Variants in SMG1 observed in about 807,000 individuals in gnomAD.
The protein encoded by SMG1 is serine/threonine-protein kinase SMG1.
In SMG1, 22 loss-of-function variants were observed where a neutral mutation model predicts 419.9. That is an observed-to-expected ratio of 0.05 (90% CI 0.04 to 0.07). SMG1 has a LOEUF of 0.07. Among genes scored for constraint, SMG1 ranks in the 10% least tolerant of loss-of-function variants. SMG1 has a pLI of 1.00. For missense variants in SMG1, 3,185 were observed against 4,342.0 expected, an observed-to-expected ratio of 0.73 and a Z score of 7.49; for synonymous variants, 1,538 against 1,553.5, an observed-to-expected ratio of 0.99 and a Z score of 0.23.
rs757102924 is a variant in SMG1 at position 18,872,180 on chromosome 16, T to C, written c.2183+4A>G. 7 of 1,434,052 alleles carry C rather than the reference T, an allele frequency of 4.9e-6. No homozygotes were observed. The African/African-American group carries it at 1.0e-4, about 20-fold the overall frequency. The allele number at this position is 1,434,052 out of a possible 1,614,324, so 88.8% of individuals were successfully genotyped here. On this transcript the variant is annotated splice_donor_region_variant and intron_variant, in intron 15 of 62. Transcript: ENST00000446231. ...AATAGTTAATACTATATAATATCTGTTACCTCGTGTCCTGGTTAAGGTTAT... is the reference window on the plus strand; with the variant it reads ...AATAGTTAATACTATATAATATCTGCTACCTCGTGTCCTGGTTAAGGTTAT...
intron 39 of SMG1, among the ~76,000 whole-genome samples, chr16:18,844,008 T>TAC (rs71141072): frequency 0.33 from 49,466 of 150,734 alleles, 8,360 homozygotes; most frequent in Non-Finnish European, 0.38. Context: ...TCTATGATTA[T>TAC]ACACACACAC....
At position 18,845,639 on chromosome 16, in the gene SMG1, A is replaced by C. The variant is rs759685770; in HGVS notation, c.6009T>G (p.Ile2003Met). The C allele has an allele frequency of 6.2e-7, 1 of 1,609,764 alleles. No individual in the cohort carries two copies. The highest frequency in any genetic ancestry group is 2.2e-5 in the East Asian group (1 of 44,826). Residue 2003 changes from isoleucine (I) to methionine (M), a missense_variant, in exon 39 of 63, where the codon ATT becomes ATG. Physicochemically the swap from Ile to Met is conservative, Grantham distance 10 (BLOSUM62 1). Transcript: ENST00000446231. ...CTGTGTGCTTCTCCCTCATGATTGC[A>C]ATTTTCTCTTCTCTGACCAAGAAGA... ...NNNTLRKEEK[I>M]AIMREKHTAL...
intron 38 of SMG1, among the ~76,000 whole-genome samples, chr16:18,846,302 G>C (rs1750017918): frequency 6.6e-6 from 1 of 152,122 alleles, no homozygotes; most frequent in Admixed American, 6.5e-5. Context: ...TAAGGGAAAG[G>C]TTTCATGACC....
chr16:18,897,182 A>G (rs1445560691), intron 1 of SMG1, among the ~76,000 whole-genome samples: 3 of 152,228 alleles, frequency 2.0e-5, no homozygotes, highest in Non-Finnish European at 4.4e-5. Flanking sequence ...ATTGTTCTAA[A>G]GACCCATTCA....
chr16:18,842,058 CA>C, intron 40 of SMG1, 149 bp downstream of exon 40: 1 of 925,220 alleles, frequency 1.1e-6, no homozygotes, highest in South Asian at 1.8e-5. Flanking sequence ...CACTGCCGTT[CA>C]AAAGCACATA....
At chr16:18,872,803 C>A (rs1334822621) in intron 13 of SMG1, among the ~76,000 whole-genome samples, 179 bp from the exon 14 acceptor site, 3 of 152,178 alleles carry the variant, frequency 2.0e-5, no homozygotes, top group Non-Finnish European at 2.9e-5. Context: ...AAAGCCTTTG[C>A]GTGCAATATA....
intron 40 of SMG1, 105 bp downstream of exon 40, chr16:18,842,103 C>T: frequency 1.6e-6 from 2 of 1,253,714 alleles, no homozygotes; most frequent in Non-Finnish European, 2.2e-6. Context: ...TAATGACATA[C>T]AGAAATTCGC....
chr16:18,847,009 G>A (rs1049029057), intron 38 of SMG1, among the ~76,000 whole-genome samples: 13 of 152,064 alleles, frequency 8.5e-5, no homozygotes, highest in Non-Finnish European at 5.9e-5. Flanking sequence ...GTCCATAAAC[G>A]GATGGACAAA....
At chr16:18,812,272 T>C (rs550790597) in intron 60 of SMG1, 145 bp from the exon 61 acceptor site, 3 of 735,420 alleles carry the variant, frequency 4.1e-6, no homozygotes, top group East Asian at 2.9e-5. Flanking sequence ...ACAGCAATTG[T>C]CTTCCTAAAA....
chr16:18,827,870 A>ATG (rs1192477994), intron 55 of SMG1, among the ~76,000 whole-genome samples, 161 bp downstream of exon 55: 1 of 148,370 alleles, frequency 6.7e-6, no homozygotes, highest in Non-Finnish European at 1.5e-5. Context: ...ATATATATAT[A>ATG]TATGTATAAA....
rs1435113772 is a variant in SMG1, at chr16:18,806,865, A to G, written c.*2704T>C. On this transcript the variant is annotated 3_prime_UTR_variant, in exon 63 of 63. Coordinates refer to ENST00000446231, the MANE Select transcript of SMG1 (RefSeq NM_015092.5). ...ACAGCACTCTAACTTTTCTCAGTCT[A>G]ACTGCTGAGGTCTCTTACGAAAGTT... The G allele has an allele frequency of 6.6e-6, 1 of 152,222 alleles. No homozygotes were observed. Among genetic ancestry groups the G allele is most frequent in the Non-Finnish European group, 1.5e-5 (1 of 68,044 alleles). 9.4% of individuals were successfully genotyped at this position (152,222 alleles called of 1,614,324 possible). A position where few individuals can be genotyped will look rare whatever the true frequency, so the allele number is the denominator to read the frequency against.
At chr16:18,925,876 C>G in intron 1 of SMG1, 74 bp downstream of exon 1, 1 of 1,188,204 alleles carries the variant, frequency 8.4e-7, no homozygotes, top group South Asian at 1.6e-5. Context: ...CCTCCCAGCC[C>G]CGCGGCCCTA....
intron 1 of SMG1, among the ~76,000 whole-genome samples, chr16:18,915,782 A>C (rs981641508): frequency 2.0e-5 from 3 of 152,058 alleles, no homozygotes; most frequent in Non-Finnish European, 4.4e-5. Context: ...TTTAAGACCT[A>C]TACAGGCCAG....
chr16:18,911,594 AAC>A (rs1379920560), intron 1 of SMG1: 2 of 152,260 alleles, frequency 1.3e-5, no homozygotes, highest in East Asian at 1.9e-4. Flanking sequence ...TATTCACTGA[AAC>A]AGTTTTAAAA....
intron 10 of SMG1, among the ~76,000 whole-genome samples, chr16:18,879,994 A>G (rs2036311849): frequency 6.6e-6 from 1 of 152,198 alleles, no homozygotes; most frequent in African/African-American, 2.4e-5. Context: ...GTTTCTCCCA[A>G]TGTCACTAAA....
chr16:18,870,728 T>A lies in SMG1; in HGVS notation c.2391-17A>T. The A allele has an allele frequency of 6.3e-7, 1 of 1,594,146 alleles. No individual in the cohort carries two copies. Among genetic ancestry groups the A allele is most frequent in the South Asian group, 1.1e-5 (1 of 88,872 alleles). On this transcript the variant is annotated splice_polypyrimidine_tract_variant and intron_variant, in intron 17 of 62. Coordinates refer to ENST00000446231, the MANE Select transcript of SMG1 (RefSeq NM_015092.5). ...TCGACACATCTATGAAAGAACGAAA[T>A]AGACAAAGCAGGTGTGTTAACATTT...
In SMG1 at chr16:18,902,560, C is replaced by T. The variant is rs190723148; in HGVS notation, c.93-5604G>A. Among the ~76,000 whole-genome samples, 50 of 152,108 alleles carry T rather than the reference C, an allele frequency of 3.3e-4. No individual in the cohort carries two copies. The East Asian group carries it at 9.5e-3, about 29-fold the overall frequency. ...AAAAAATATAGAAAAACTAGCCAGG[C>T]GAGGTGGTATGCGCCCATAGATCCA... On this transcript the variant is annotated intron_variant, in intron 1 of 62. Coordinates refer to ENST00000446231, the MANE Select transcript of SMG1 (RefSeq NM_015092.5).
chr16:18,899,997 G>A (rs2037283975), intron 1 of SMG1: 4 of 1,528,290 alleles, frequency 2.6e-6, no homozygotes, highest in Non-Finnish European at 3.5e-6. Context: ...CTCAAAAATC[G>A]CATACTGTAT....
rs986347159 is a variant in SMG1 at position 18,904,227 on chromosome 16, G to A, written c.93-7271C>T. 7.3e-5 allele frequency among the ~76,000 whole-genome samples: 11 copies of A among 150,320 alleles called. No homozygotes were observed. In the South Asian group the frequency reaches 1.7e-3, roughly 23 times the overall value. ...GCTGGGATTACAGGCTTGAGCCACC[G>A]TGCCCGGCCTGTTTCTTTTGTACGT... On this transcript the variant is annotated intron_variant, in intron 1 of 62. Coordinates refer to ENST00000446231, the MANE Select transcript of SMG1 (RefSeq NM_015092.5).
Sources: allele counts gnomAD v4.1 joint callset (sites outside exome capture counted in the v4.1 genomes callset), GRCh38; gene constraint gnomAD v4.1.1; transcripts MANE v1.5; gene names NCBI Gene and HGNC (gene_info 2026-07-23, HGNC 2026-07-21).